The following CDH18 variants were observed in gnomAD, a reference collection of about 807,000 sequenced individuals.
CDH18 encodes the protein cadherin 18, also known as cadherin-18.
CDH18 carries 31 observed loss-of-function variants against 67.9 expected under a neutral mutation model. The observed-to-expected ratio is 0.46, with a 90% CI of 0.34 to 0.62. The LOEUF (loss-of-function observed/expected upper bound fraction) is 0.62. Among genes scored for constraint, CDH18 ranks in the 20% least tolerant of loss-of-function variants. The probability of loss-of-function intolerance (pLI) is 0.01; values close to 1 mark genes in which losing one functional copy is unlikely to be tolerated. For synonymous variants in CDH18, 362 were observed against 347.2 expected (o/e 1.04, Z -0.48); for missense variants, 890 against 975.5 (o/e 0.91, Z 1.17).
intron 6 of CDH18, among the ~76,000 whole-genome samples, chr5:19,601,524 C>T (rs1747116921): frequency 6.6e-6 from 1 of 151,908 alleles, no homozygotes; most frequent in African/African-American, 2.4e-5. Flanking sequence ...TTCTACTAAC[C>T]ATTTAAAGGA....
chr5:19,652,308 A>G (rs1755697566), intron 5 of CDH18, among the ~76,000 whole-genome samples: 1 of 152,116 alleles, frequency 6.6e-6, no homozygotes, highest in Non-Finnish European at 1.5e-5. Flanking sequence ...CAAGAGGATA[A>G]CATAGCAAAA....
intron 7 of CDH18, among the ~76,000 whole-genome samples, chr5:19,578,680 T>A (rs1742723579): frequency 6.6e-6 from 1 of 152,032 alleles, no homozygotes; most frequent in Non-Finnish European, 1.5e-5. Context: ...TTAGTCGATG[T>A]CTTTGATATG....
chr5:19,660,500 G>T lies in CDH18; in HGVS notation c.644-47899C>A, dbSNP rs997039847. Among the ~76,000 whole-genome samples, 14 of 152,068 alleles carry T rather than the reference G, an allele frequency of 9.2e-5. No individual in the cohort carries two copies. In the East Asian group the frequency reaches 2.7e-3, roughly 29 times the overall value. ...AAAGATGCCATCAATTCTGTCATAA[G>T]AAGCTAAAATTCTCAAAGCCAATGT... On this transcript the variant is annotated intron_variant, in intron 5 of 12. Transcript: ENST00000382275.
intron 1 of CDH18, among the ~76,000 whole-genome samples, chr5:20,320,603 TATCTC>T (rs1329264892): frequency 2.0e-5 from 3 of 152,188 alleles, no homozygotes; most frequent in Non-Finnish European, 4.4e-5. Flanking sequence ...TACACATCAT[TATCTC>T]ACTCACTGCC....
chr5:19,675,087 G>C (rs1382034173), intron 5 of CDH18, among the ~76,000 whole-genome samples: 1 of 152,068 alleles, frequency 6.6e-6, no homozygotes, highest in Non-Finnish European at 1.5e-5. Flanking sequence ...ACGCCCCTGA[G>C]CCGTAAAACC....
chr5:19,549,974 G>A (rs1310099528), intron 8 of CDH18, among the ~76,000 whole-genome samples: 1 of 151,912 alleles, frequency 6.6e-6, no homozygotes, highest in African/African-American at 2.4e-5. Flanking sequence ...ATAGAGATAT[G>A]TGCACCAGAG....
chr5:19,678,941 C>T (rs1759876435), intron 5 of CDH18, among the ~76,000 whole-genome samples: 1 of 151,946 alleles, frequency 6.6e-6, no homozygotes, highest in African/African-American at 2.4e-5. Flanking sequence ...TTCCCTAACT[C>T]ATTTCATGAG....
chr5:19,864,745 T>C (rs4634352), intron 2 of CDH18, among the ~76,000 whole-genome samples: 135,337 of 152,050 alleles, frequency 0.89, 60,374 homozygotes, highest in Non-Finnish European at 0.92. Flanking sequence ...AGGCAACCAG[T>C]TGTGGTCAAA....
intron 6 of CDH18, among the ~76,000 whole-genome samples, chr5:19,595,879 C>A (rs181879446): frequency 3.3e-5 from 5 of 152,214 alleles, no homozygotes; most frequent in African/African-American, 1.2e-4. Flanking sequence ...GTTCAACCAA[C>A]ATATCTTTTC....
At chr5:20,059,505 C>T (rs1742279218) in intron 2 of CDH18, among the ~76,000 whole-genome samples, 1 of 152,160 alleles carries the variant, frequency 6.6e-6, no homozygotes, top group Non-Finnish European at 1.5e-5. Context: ...TTAGTTGTCT[C>T]AGAGATTCTG....
intron 1 of CDH18, among the ~76,000 whole-genome samples, chr5:20,293,963 T>G (rs2063229): frequency 0.12 from 18,475 of 152,190 alleles, 1,666 homozygotes; most frequent in African/African-American, 0.24. Context: ...AGGCATTTTT[T>G]AATTTTTTCT....
chr5:20,262,894 C>T (rs1336289517), intron 1 of CDH18, among the ~76,000 whole-genome samples: 2 of 148,990 alleles, frequency 1.3e-5, no homozygotes, highest in African/African-American at 2.5e-5. Flanking sequence ...TTCTTCAACA[C>T]TTAACACAAG....
At chr5:19,951,367 G>A (rs1355016066) in intron 2 of CDH18, among the ~76,000 whole-genome samples, 1 of 152,078 alleles carries the variant, frequency 6.6e-6, no homozygotes, top group African/African-American at 2.4e-5. Context: ...TTTAAAGGAC[G>A]GTTATCTAAC....
At chr5:19,952,561 T>C (rs1309265989) in intron 2 of CDH18, among the ~76,000 whole-genome samples, 2 of 152,160 alleles carry the variant, frequency 1.3e-5, no homozygotes, top group Non-Finnish European at 2.9e-5. Context: ...CCATTCATTA[T>C]TAGCACATAA....
At chr5:20,489,950 A>C (rs1415785545) in intron 1 of CDH18, among the ~76,000 whole-genome samples, 1 of 151,738 alleles carries the variant, frequency 6.6e-6, no homozygotes, top group Non-Finnish European at 1.5e-5. Flanking sequence ...AAAACACTAG[A>C]TTTTTATTTA....
chr5:19,485,350 A>T (rs1377060028), intron 11 of CDH18, among the ~76,000 whole-genome samples: 1 of 150,940 alleles, frequency 6.6e-6, no homozygotes, highest in Non-Finnish European at 1.5e-5. Flanking sequence ...CAGCCTCCCG[A>T]GTTCATGCCA....
intron 2 of CDH18, among the ~76,000 whole-genome samples, chr5:20,105,916 A>AT (rs796718785): frequency 4.0e-5 from 6 of 151,406 alleles, no homozygotes; most frequent in Non-Finnish European, 5.9e-5. Context: ...GGCATTTTTA[A>AT]TTTTTTTTTC....
chr5:19,838,537 T>C (rs974586782), intron 3 of CDH18, among the ~76,000 whole-genome samples: 2 of 152,194 alleles, frequency 1.3e-5, no homozygotes, highest in Non-Finnish European at 2.9e-5. Flanking sequence ...GTCTTGTACA[T>C]ATGGGCCAAT....
chr5:19,520,962 A>G (rs1172157530), intron 9 of CDH18, among the ~76,000 whole-genome samples, 184 bp from the exon 10 acceptor site: 1 of 152,192 alleles, frequency 6.6e-6, no homozygotes, highest in Non-Finnish European at 1.5e-5. Flanking sequence ...AAAATGAAAA[A>G]TGAACACCAT....
Sources: gnomAD v4.1 joint callset for allele counts (sites outside exome capture counted in the v4.1 genomes callset) on GRCh38, gnomAD v4.1.1 for gene constraint, MANE v1.5 for transcripts, NCBI Gene and HGNC (gene_info 2026-07-23, HGNC 2026-07-21) for gene names.